WNT5A: variants seen among roughly 807,000 people sequenced by gnomAD.
The protein encoded by WNT5A is Wnt family member 5A.
WNT5A carries 9 observed loss-of-function variants against 42.1 expected under a neutral mutation model. That is an observed-to-expected ratio of 0.21 (90% CI 0.13 to 0.37). WNT5A has a LOEUF of 0.37. Ranked by LOEUF, WNT5A falls within the 10% of genes least tolerant of loss-of-function variation. The pLI, the probability that WNT5A is intolerant of heterozygous loss-of-function variation, is 1.00. For missense variants in WNT5A, 426 were observed against 534.0 expected, an observed-to-expected ratio of 0.80 and a Z score of 1.99; for synonymous variants, 210 against 210.0, an observed-to-expected ratio of 1.00 and a Z score of 0.00.
At chr3:55,477,209 A>G (rs976388229) in intron 3 of WNT5A, among the ~76,000 whole-genome samples, 3 of 152,246 alleles carry the variant, frequency 2.0e-5, no homozygotes, top group Non-Finnish European at 2.9e-5. Context: ...TTCTCTTCAA[A>G]TACACTCTTA....
chr3:55,488,888 G>A (rs1378141398), upstream of WNT5A, among the ~76,000 whole-genome samples: 13 of 152,204 alleles, frequency 8.5e-5, no homozygotes, highest in Non-Finnish European at 1.6e-4. Context: ...CTCTGGGGGA[G>A]GATACTTAAG....
At chr3:55,490,664 C>G (rs1450879579), upstream of WNT5A, 1 of 152,210 alleles carries the variant, frequency 6.6e-6, no homozygotes, top group African/African-American at 2.4e-5. Flanking sequence ...ACCTGGCACT[C>G]AATGCCTGCT....
chr3:55,486,964 C>A lies in WNT5A; in HGVS notation c.6+16G>T. On this transcript the variant is annotated intron_variant, in intron 1 of 4. Transcript: ENST00000264634. ...GGGAAGTAAAGAAAAAAAGTGGCAGCGCACTGAACACCTACCTTCATGGCG... is the reference window on the plus strand; with the variant it reads ...GGGAAGTAAAGAAAAAAAGTGGCAGAGCACTGAACACCTACCTTCATGGCG... 2 of 1,609,874 alleles carry A rather than the reference C, an allele frequency of 1.2e-6. No homozygotes were observed. The highest frequency in any genetic ancestry group is 1.7e-6 in the Non-Finnish European group (2 of 1,176,994).
rs2051155293 is a variant in WNT5A at position 55,467,035 on chromosome 3, T to A, written c.*3057A>T. ...GCACAATAACTTGTATTAATTGCAC[T>A]TAACACAATGAACCTTTAGTTTCCA... On this transcript the variant is annotated 3_prime_UTR_variant, in exon 5 of 5. Coordinates refer to ENST00000264634, the MANE Select transcript of WNT5A (RefSeq NM_003392.7). 1 of 152,222 alleles carries A rather than the reference T, an allele frequency of 6.6e-6. No homozygotes were observed. Among genetic ancestry groups the A allele is most frequent in the South Asian group, 2.1e-4 (1 of 4,832 alleles). 9.4% of individuals were successfully genotyped at this position (152,222 alleles called of 1,614,324 possible).
At position 55,466,901 on chromosome 3, in the gene WNT5A, T is replaced by C. The variant is rs185113207; in HGVS notation, c.*3191A>G. On this transcript the variant is annotated 3_prime_UTR_variant, in exon 5 of 5. Transcript: ENST00000264634. ...TTTGTGGAATAATGCATTCTTGGCA[T>C]CCTTAAAAGGTTTCAATATGTTACA... 232 of 152,630 alleles carry C rather than the reference T, an allele frequency of 1.5e-3. 1 individual carries two copies. Among genetic ancestry groups the C allele is most frequent in the African/African-American group, 5.2e-3 (218 of 41,560 alleles). 9.5% of individuals were successfully genotyped at this position (152,630 alleles called of 1,614,324 possible).
Position 55,479,652 on chromosome 3 carries a change from G to A in WNT5A, c.141-88C>T, listed in dbSNP as rs984532549. The A allele has an allele frequency of 1.0e-5, 15 of 1,448,686 alleles. No individual in the cohort carries two copies. In the African/African-American group the frequency reaches 1.4e-4, roughly 14 times the overall value. 89.7% of individuals were successfully genotyped at this position (1,448,686 alleles called of 1,614,324 possible). A position where few individuals can be genotyped will look rare whatever the true frequency, so the allele number is the denominator to read the frequency against. On this transcript the variant is annotated intron_variant, in intron 2 of 4. Transcript: ENST00000264634. The stretch of plus-strand genomic sequence containing the variant: ...GCATGTCAGCAATACATAGTTTTAA[G>A]CACACAGATGCTTTTTTCTCTCCTG...
upstream of WNT5A, among the ~76,000 whole-genome samples, chr3:55,492,805 A>G (rs2051676977): frequency 2.0e-5 from 3 of 152,202 alleles, no homozygotes; most frequent in Non-Finnish European, 4.4e-5. Flanking sequence ...ACTTTGTGAG[A>G]TAGATCGTAT....
chr3:55,471,045 C>T (rs1163909382), intron 4 of WNT5A, among the ~76,000 whole-genome samples: 2 of 152,144 alleles, frequency 1.3e-5, no homozygotes, highest in South Asian at 2.1e-4. Context: ...ACTCCAAGCC[C>T]GTGCTTAGTG....
Position 55,474,524 on chromosome 3 carries a change from C to T in WNT5A, c.497G>A (p.Arg166His), listed in dbSNP as rs747232175. 2 of 1,562,610 alleles carry T rather than the reference C, an allele frequency of 1.3e-6. No individual in the cohort carries two copies. The highest frequency in any genetic ancestry group is 2.4e-5 in the East Asian group (1 of 41,810). The change falls in exon 4 of 5, where the codon CGC (arginine) becomes CAC (histidine). Residue 166 changes from arginine (R) to histidine (H), a missense_variant. Coordinates refer to ENST00000264634, the MANE Select transcript of WNT5A (RefSeq NM_003392.7). ...CGGCAGGTCCTTGGGGCGCGCGGCG[C>T]GGCTGCAGCCGCAGGTGGACAGCTC... ...EGELSTCGCSRAARPKDLPRD... is the reference protein window; with the variant it reads ...EGELSTCGCSHAARPKDLPRD...
rs1228676309 is a variant in WNT5A at position 55,487,061 on chromosome 3, G to A, written c.-76C>T. 1 of 1,398,516 alleles carries A rather than the reference G, an allele frequency of 7.2e-7. No homozygotes were observed. The allele number at this position is 1,398,516 out of a possible 1,614,324, so 86.6% of individuals were successfully genotyped here. On this transcript the variant is annotated 5_prime_UTR_variant, in exon 1 of 5. Transcript: ENST00000264634. The stretch of plus-strand genomic sequence containing the variant: ...CCGAGGAATCCGAGCGGAGCGACCG[G>A]GTTAAGCCTGGGGGGACGGTCAGGA...
chr3:55,494,528 GT>G (rs1324028638), upstream of WNT5A, among the ~76,000 whole-genome samples: 3 of 152,142 alleles, frequency 2.0e-5, no homozygotes, highest in Non-Finnish European at 4.4e-5. Flanking sequence ...AGTAATTGTG[GT>G]TTTTGCCATT....
intron 4 of WNT5A, 109 bp downstream of exon 4, chr3:55,474,228 G>T: frequency 1.4e-6 from 2 of 1,385,022 alleles, no homozygotes; most frequent in Non-Finnish European, 2.0e-6. Context: ...GGACCATATA[G>T]CAAAGGAGTG....
At chr3:55,477,621 G>A (rs918981373) in intron 3 of WNT5A, among the ~76,000 whole-genome samples, 3 of 152,192 alleles carry the variant, frequency 2.0e-5, no homozygotes, top group African/African-American at 7.2e-5. Flanking sequence ...TGTACCAAGG[G>A]TTCTGCTTGT....
In WNT5A at chr3:55,470,064, AGC is replaced by A. The variant is rs1489940749; in HGVS notation, c.*26_*27del. On this transcript the variant is annotated 3_prime_UTR_variant, in exon 5 of 5. Coordinates refer to ENST00000264634, the MANE Select transcript of WNT5A (RefSeq NM_003392.7). ...TTTCTATAAATAAGCGGGTCCTGGG[AGC>A]GGGGCTGAGTGCTGGGTGGCACCCA... 1 of 1,613,206 alleles carries A rather than the reference AGC, an allele frequency of 6.2e-7. No individual in the cohort carries two copies. The highest frequency in any genetic ancestry group is 1.3e-5 in the African/African-American group (1 of 74,922).
upstream of WNT5A, among the ~76,000 whole-genome samples, chr3:55,495,228 A>T (rs1469552006): frequency 6.6e-6 from 1 of 152,238 alleles, no homozygotes; most frequent in Non-Finnish European, 1.5e-5. Flanking sequence ...GCAATTTTCA[A>T]GTACACAATA....
At chr3:55,474,833 G>A (rs1461247653) in intron 3 of WNT5A, among the ~76,000 whole-genome samples, 3 of 99,288 alleles carry the variant, frequency 3.0e-5, no homozygotes, top group Non-Finnish European at 6.1e-5. Context: ...GGAGGTTGGG[G>A]GGAAGTAGGA....
chr3:55,499,913 T>C, the WNT5A span, among the ~76,000 whole-genome samples: 275 of 151,452 alleles, frequency 1.8e-3, 1 homozygote, highest in Middle Eastern at 0.034. Context: ...AGGCAGAGTC[T>C]GCAGTGAGCC....
the WNT5A span, among the ~76,000 whole-genome samples, chr3:55,502,033 T>G: frequency 2.0e-5 from 3 of 152,238 alleles, no homozygotes; most frequent in African/African-American, 7.2e-5. Context: ...CCTTTACAAC[T>G]AGCCACACGT....
chr3:55,498,756 CAG>C, the WNT5A span, among the ~76,000 whole-genome samples: 1 of 152,006 alleles, frequency 6.6e-6, no homozygotes, highest in Non-Finnish European at 1.5e-5. Context: ...ACTAGATTAA[CAG>C]AGATAGTCTC....
Sources: gnomAD v4.1 joint callset for allele counts (sites outside exome capture counted in the v4.1 genomes callset) on GRCh38, gnomAD v4.1.1 for gene constraint, MANE v1.5 for transcripts, NCBI Gene and HGNC (gene_info 2026-07-23, HGNC 2026-07-21) for gene names.